The following FRMD4B variants were observed in gnomAD, a reference collection of about 807,000 sequenced individuals.
The protein encoded by FRMD4B is FERM domain-containing protein 4B.
A neutral mutation model predicts 141.5 loss-of-function variants in FRMD4B; 74 were observed. The observed-to-expected ratio is 0.52, with a 90% CI of 0.43 to 0.63. FRMD4B has a LOEUF of 0.63. FRMD4B is among the 30% of genes least tolerant of loss of function. The pLI, the probability that FRMD4B is intolerant of heterozygous loss-of-function variation, is 0.00. For synonymous variants in FRMD4B, 506 were observed against 467.9 expected, an observed-to-expected ratio of 1.08 and a Z score of -1.05; for missense variants, 1,366 against 1,253.4, an observed-to-expected ratio of 1.09 and a Z score of -1.36.
chr3:69,489,777 C>G (rs989615963), intron 1 of FRMD4B, among the ~76,000 whole-genome samples: 1 of 152,178 alleles, frequency 6.6e-6, no homozygotes, highest in Non-Finnish European at 1.5e-5. Context: ...AAGATATGCA[C>G]ACAGATGTTC....
intron 1 of FRMD4B, among the ~76,000 whole-genome samples, chr3:69,331,378 C>A (rs1702366135): frequency 6.6e-6 from 1 of 152,198 alleles, no homozygotes. Context: ...GGGAGTCAGA[C>A]AGGTATGATA....
At position 69,195,066 on chromosome 3, in the gene FRMD4B, C is replaced by A. The variant is rs762943311; in HGVS notation, c.1444G>T (p.Gly482Cys). 3.1e-6 allele frequency: 5 copies of A among 1,613,720 alleles called. No individual in the cohort carries two copies. Among genetic ancestry groups the A allele is most frequent in the South Asian group, 2.2e-5 (2 of 91,084 alleles). ...TTGTCATCTAATTTGAACGCAGTACCCACACGTCTTCTGACCTGAGGAGGC... is the reference window on the plus strand; with the variant it reads ...TTGTCATCTAATTTGAACGCAGTACACACACGTCTTCTGACCTGAGGAGGC... ...EKPPQVRRRV[G>C]TAFKLDDNLL... The change falls in exon 16 of 23, where the codon GGT (glycine) becomes TGT (cysteine). Residue 482 changes from glycine (G) to cysteine (C), a missense_variant. Coordinates refer to ENST00000398540, the MANE Select transcript of FRMD4B (RefSeq NM_015123.3).
At chr3:69,176,238 A>AGGCCAGATACTTTTTGGCTGATGGT (rs2092644524) in intron 22 of FRMD4B, among the ~76,000 whole-genome samples, 1 of 152,168 alleles carries the variant, frequency 6.6e-6, no homozygotes, top group Non-Finnish European at 1.5e-5. Flanking sequence ...TTTTTCTTAA[A>AGGCCAGATACTTTTTGGCTGATGGT]GGCCAGATAC....
intron 1 of FRMD4B, among the ~76,000 whole-genome samples, chr3:69,357,490 G>A (rs1335424638): frequency 6.6e-6 from 1 of 152,194 alleles, no homozygotes; most frequent in Non-Finnish European, 1.5e-5. Flanking sequence ...ACAGTTGGAT[G>A]ATCACCTAAC....
chr3:69,194,837 G>A (rs1248658725), intron 16 of FRMD4B, among the ~76,000 whole-genome samples, 185 bp downstream of exon 16: 2 of 152,188 alleles, frequency 1.3e-5, no homozygotes, highest in Admixed American at 6.6e-5. Flanking sequence ...GTAAATTAGT[G>A]AGAAGTAACT....
At chr3:69,540,660 T>TATATATATATAC (rs1241897477) in intron 1 of FRMD4B, among the ~76,000 whole-genome samples, 2 of 56,872 alleles carry the variant, frequency 3.5e-5, no homozygotes, top group African/African-American at 2.1e-4. Context: ...TATATATATA[T>TATATATATATAC]ACACACACAC....
chr3:69,260,370 C>T (rs1466233656), intron 5 of FRMD4B, among the ~76,000 whole-genome samples: 4 of 152,344 alleles, frequency 2.6e-5, no homozygotes, highest in South Asian at 2.1e-4. Flanking sequence ...GCACCCGGAG[C>T]GGCTGGTCGT....
chr3:69,359,469 G>A (rs1234521389), intron 1 of FRMD4B, among the ~76,000 whole-genome samples: 1 of 152,182 alleles, frequency 6.6e-6, no homozygotes, highest in Non-Finnish European at 1.5e-5. Flanking sequence ...AACTGGGACT[G>A]ACCGATAAGG....
intron 1 of FRMD4B, among the ~76,000 whole-genome samples, chr3:69,371,053 G>T (rs1351918258): frequency 6.6e-6 from 1 of 152,198 alleles, no homozygotes; most frequent in Non-Finnish European, 1.5e-5. Context: ...CATAGAGTCA[G>T]GTGGTGTGGT....
intron 1 of FRMD4B, among the ~76,000 whole-genome samples, chr3:69,510,756 C>T (rs1706674085): frequency 1.3e-5 from 2 of 152,158 alleles, no homozygotes; most frequent in Admixed American, 6.6e-5. Flanking sequence ...AGACCACCCA[C>T]ATTTACACTA....
At chr3:69,291,231 G>A (rs1559783131) in intron 4 of FRMD4B, among the ~76,000 whole-genome samples, 1 of 152,098 alleles carries the variant, frequency 6.6e-6, no homozygotes, top group Non-Finnish European at 1.5e-5. Flanking sequence ...AAATTTCTAA[G>A]ATTATTTTTT....
intron 1 of FRMD4B, among the ~76,000 whole-genome samples, chr3:69,490,032 T>C (rs999154939): frequency 3.3e-5 from 5 of 152,142 alleles, no homozygotes; most frequent in African/African-American, 4.8e-5. Context: ...TCCAGGGAGA[T>C]AGAACGTGGA....
chr3:69,270,752 G>C (rs892179298), intron 5 of FRMD4B, among the ~76,000 whole-genome samples: 1 of 151,864 alleles, frequency 6.6e-6, no homozygotes, highest in Non-Finnish European at 1.5e-5. Context: ...TTTTAGTAGA[G>C]ACAGGCTTTC....
At chr3:69,482,354 A>G (rs1461323668) in intron 1 of FRMD4B, among the ~76,000 whole-genome samples, 1 of 152,218 alleles carries the variant, frequency 6.6e-6, no homozygotes, top group East Asian at 1.9e-4. Context: ...GTTGGGAATT[A>G]CGAGCCATGC....
At chr3:69,370,705 A>G (rs1013101464) in intron 1 of FRMD4B, among the ~76,000 whole-genome samples, 2 of 152,166 alleles carry the variant, frequency 1.3e-5, no homozygotes, top group African/African-American at 4.8e-5. Context: ...GAGTTCTGCT[A>G]ATGCTGCTTT....
Position 69,180,958 on chromosome 3 carries a change from C to T in FRMD4B, c.2792G>A (p.Gly931Glu), listed in dbSNP as rs747045050. ...DSDRGSQRCLGFAGLQVPCSP... is the reference protein window; with the variant it reads ...DSDRGSQRCLEFAGLQVPCSP... The stretch of plus-strand genomic sequence containing the variant: ...ACAAGGTACTTGCAGCCCCGCAAAC[C>T]CCAGGCATCTCTGTGATCCCCTGTC... The change falls in exon 21 of 23, where the codon GGG becomes GAG. Residue 931 changes from glycine to glutamate, a missense_variant. Gly to Glu is a moderately conservative substitution (Grantham distance 98). Transcript: ENST00000398540. 6.2e-7 allele frequency: 1 copy of T among 1,613,798 alleles called. No individual in the cohort carries two copies. The highest frequency in any genetic ancestry group is 2.2e-5 in the East Asian group (1 of 44,860).
chr3:69,406,911 ATT>A (rs67956877), intron 2 of FRMD4B, among the ~76,000 whole-genome samples: 3 of 135,164 alleles, frequency 2.2e-5, no homozygotes, highest in Non-Finnish European at 1.5e-5. Flanking sequence ...TTTAATTTTA[ATT>A]TTTTTTTTTT....
chr3:69,196,400 A>C lies in FRMD4B; in HGVS notation c.1093-4T>G, dbSNP rs752691673. 2.2e-5 allele frequency: 35 copies of C among 1,603,444 alleles called. No homozygotes were observed. The highest frequency in any genetic ancestry group is 3.0e-5 in the Non-Finnish European group (35 of 1,174,218). ...TCCTGGCTGAAGGAATTTTTGCCTAAGAGGCATACAACAATGAAACAGAAT... is the reference window on the plus strand; with the variant it reads ...TCCTGGCTGAAGGAATTTTTGCCTACGAGGCATACAACAATGAAACAGAAT... On this transcript the variant is annotated splice_region_variant and splice_polypyrimidine_tract_variant and intron_variant, in intron 13 of 22. Coordinates refer to ENST00000398540, the MANE Select transcript of FRMD4B (RefSeq NM_015123.3).
intron 1 of FRMD4B, among the ~76,000 whole-genome samples, chr3:69,452,290 G>C (rs1705514830): frequency 6.6e-6 from 1 of 152,248 alleles, no homozygotes; most frequent in Non-Finnish European, 1.5e-5. Context: ...GAAGAAGACA[G>C]TATTGAGGAA....
Sources: gnomAD v4.1 joint callset for allele counts (sites outside exome capture counted in the v4.1 genomes callset) on GRCh38, gnomAD v4.1.1 for gene constraint, MANE v1.5 for transcripts, NCBI Gene and HGNC (gene_info 2026-07-23, HGNC 2026-07-21) for gene names.